Variants in UNC5C observed in about 807,000 individuals in gnomAD.
UNC5C encodes the protein unc-5 netrin receptor C.
In UNC5C, 47 loss-of-function variants were observed where a neutral mutation model predicts 99.8. The ratio of observed to expected loss-of-function variants is 0.47; its 90% confidence interval spans 0.37 to 0.60. UNC5C has a LOEUF of 0.60. Ranked by LOEUF, UNC5C falls within the 20% of genes least tolerant of loss-of-function variation. The probability of loss-of-function intolerance (pLI) is 0.00; values close to 1 mark genes in which losing one functional copy is unlikely to be tolerated. For missense variants in UNC5C, 1,062 were observed against 1,165.9 expected (o/e 0.91, Z 1.30); for synonymous variants, 487 against 452.2 (o/e 1.08, Z -0.98).
chr4:95,458,228 G>A (rs954122296), intron 1 of UNC5C, among the ~76,000 whole-genome samples: 7 of 152,046 alleles, frequency 4.6e-5, no homozygotes, highest in African/African-American at 1.7e-4. Flanking sequence ...TGGAAAGAGT[G>A]AGTCTGTCCC....
intron 1 of UNC5C, among the ~76,000 whole-genome samples, chr4:95,527,231 G>T (rs74847151): frequency 6.6e-6 from 1 of 151,968 alleles, no homozygotes; most frequent in East Asian, 1.9e-4. Flanking sequence ...CAACAAAAAC[G>T]CATCACACAC....
At chr4:95,354,513 C>T (rs1250744597) in intron 1 of UNC5C, among the ~76,000 whole-genome samples, 1 of 101,106 alleles carries the variant, frequency 9.9e-6, no homozygotes, top group Non-Finnish European at 2.0e-5. Flanking sequence ...AGGGTCTTGT[C>T]CTGTCACCCA....
chr4:95,485,375 G>A (rs547683771), intron 1 of UNC5C, among the ~76,000 whole-genome samples: 1 of 151,856 alleles, frequency 6.6e-6, no homozygotes, highest in Non-Finnish European at 1.5e-5. Context: ...ATTTATTTAG[G>A]AAACGTGTAG....
chr4:95,250,746 C>A, intron 4 of UNC5C, 79 bp from the exon 5 acceptor site: 1 of 1,414,428 alleles, frequency 7.1e-7, no homozygotes, highest in South Asian at 1.3e-5. Flanking sequence ...GCATTTTGTA[C>A]ACTTGATCTT....
At chr4:95,410,303 A>T (rs747110181) in intron 1 of UNC5C, among the ~76,000 whole-genome samples, 1 of 152,150 alleles carries the variant, frequency 6.6e-6, no homozygotes, top group Non-Finnish European at 1.5e-5. Flanking sequence ...CTCTAAATGC[A>T]TGATACCTCC....
chr4:95,292,125 A>G (rs1327724498), intron 3 of UNC5C, among the ~76,000 whole-genome samples: 2 of 151,338 alleles, frequency 1.3e-5, no homozygotes, highest in Non-Finnish European at 2.9e-5. Context: ...AAAGTAACAC[A>G]TAAGGCCACA....
At chr4:95,503,602 A>C (rs2149485052) in intron 1 of UNC5C, among the ~76,000 whole-genome samples, 1 of 152,270 alleles carries the variant, frequency 6.6e-6, no homozygotes, top group South Asian at 2.1e-4. Context: ...CAGGACACAA[A>C]CCTTCTGAAA....
intron 1 of UNC5C, among the ~76,000 whole-genome samples, chr4:95,410,513 A>G (rs974626256): frequency 6.6e-6 from 1 of 152,198 alleles, no homozygotes. Context: ...GGAGTCAGAG[A>G]TGCTCACAAA....
intron 1 of UNC5C, among the ~76,000 whole-genome samples, chr4:95,405,482 G>A (rs550396299): frequency 5.3e-5 from 8 of 152,186 alleles, no homozygotes; most frequent in Admixed American, 5.2e-4. Flanking sequence ...TCCTCAGGGG[G>A]ATGACCTGGG....
chr4:95,214,800 A>G (rs72672769), intron 10 of UNC5C, among the ~76,000 whole-genome samples: 6,348 of 152,360 alleles, frequency 0.042, 150 homozygotes, highest in South Asian at 0.076. Context: ...AGAGAGAAAG[A>G]AAAATAAAAT....
rs187196396 is a variant in UNC5C at position 95,202,865 on chromosome 4, C to T, written c.2002G>A (p.Ala668Thr). 102 of 1,614,222 alleles carry T rather than the reference C, an allele frequency of 6.3e-5. No individual in the cohort carries two copies. The highest frequency in any genetic ancestry group is 1.5e-4 in the Admixed American group (9 of 60,032). Residue 668 changes from alanine (A) to threonine (T), a missense_variant, in exon 12 of 16, where the codon GCC (alanine) becomes ACC (threonine). By Grantham distance (58) the Ala-to-Thr change is moderately conservative. Around this residue, in one of 3 missense-constraint regions of UNC5C, gnomAD observed 810 missense variants for 854.5 expected, o/e 0.95. Coordinates refer to ENST00000453304, the MANE Select transcript of UNC5C (RefSeq NM_003728.4). ...TTGGTGGTGGAATGTCCTACCAGGG[C>T]GTAGGTGCTGAGGTTCTCTGTGAGG... is the stretch of plus-strand genomic sequence containing the variant. The part of the protein sequence containing the change: ...HILTENLSTY[A>T]LVGHSTTKAA...
intron 14 of UNC5C, among the ~76,000 whole-genome samples, chr4:95,182,535 A>G (rs1736654455): frequency 6.6e-6 from 1 of 152,100 alleles, no homozygotes; most frequent in South Asian, 2.1e-4. Flanking sequence ...CAGATGGAGG[A>G]TGGGGGAACA....
At chr4:95,452,284 TC>T (rs1747300247) in intron 1 of UNC5C, among the ~76,000 whole-genome samples, 2 of 152,130 alleles carry the variant, frequency 1.3e-5, no homozygotes, top group South Asian at 4.1e-4. Flanking sequence ...TACTTCATTT[TC>T]CCTAAAGAGC....
chr4:95,337,466 T>C (rs1743395245), intron 1 of UNC5C, among the ~76,000 whole-genome samples: 1 of 151,984 alleles, frequency 6.6e-6, no homozygotes, highest in African/African-American at 2.4e-5. Context: ...AAAAATTGAT[T>C]ACTCTGCCTT....
chr4:95,376,511 T>G (rs1171227959), intron 1 of UNC5C, among the ~76,000 whole-genome samples: 2 of 152,112 alleles, frequency 1.3e-5, no homozygotes, highest in African/African-American at 4.8e-5. Context: ...AATTTATACC[T>G]TTAGAAGCTC....
intron 2 of UNC5C, among the ~76,000 whole-genome samples, chr4:95,328,040 C>CTTTTTTTTTTTTTTTTATTT (rs1742958789): frequency 1.1e-5 from 1 of 87,098 alleles, no homozygotes; most frequent in Non-Finnish European, 2.2e-5. Flanking sequence ...CAGGCAACTT[C>CTTTTTTTTTTTTTTTTATTT]TTTTTTTTTT....
At chr4:95,508,971 T>A (rs1427613729) in intron 1 of UNC5C, among the ~76,000 whole-genome samples, 1 of 151,864 alleles carries the variant, frequency 6.6e-6, no homozygotes, top group Non-Finnish European at 1.5e-5. Flanking sequence ...GGTGTTACAG[T>A]CACAATTTCC....
intron 1 of UNC5C, among the ~76,000 whole-genome samples, chr4:95,417,470 T>C (rs1746200443): frequency 6.6e-6 from 1 of 152,202 alleles, no homozygotes; most frequent in Non-Finnish European, 1.5e-5. Context: ...ATCTTCCTGA[T>C]GACCATTTTG....
chr4:95,485,892 A>C (rs1285446155), intron 1 of UNC5C, among the ~76,000 whole-genome samples: 1 of 151,740 alleles, frequency 6.6e-6, no homozygotes, highest in African/African-American at 2.4e-5. Context: ...CCAACCACGC[A>C]TTTAATTATA....
Sources: allele counts gnomAD v4.1 joint callset (sites outside exome capture counted in the v4.1 genomes callset), GRCh38; gene constraint gnomAD v4.1.1; regional missense constraint gnomAD v4.1.1; transcripts MANE v1.5; gene names NCBI Gene and HGNC (gene_info 2026-07-23, HGNC 2026-07-21).